Variants in EPHB2 observed in about 807,000 individuals in gnomAD.
EPHB2 encodes the protein EPH receptor B2, also known as ephrin type-B receptor 2.
In EPHB2, 18 loss-of-function variants were observed where a neutral mutation model predicts 96.4. The observed-to-expected ratio is 0.19, with a 90% CI of 0.13 to 0.28. EPHB2 has a LOEUF of 0.28. Among genes scored for constraint, EPHB2 ranks in the 10% least tolerant of loss-of-function variants. The pLI is 1.00. For synonymous variants in EPHB2, 506 were observed against 534.1 expected (o/e 0.95, Z 0.72); for missense variants, 989 against 1,355.4 (o/e 0.73, Z 4.25).
At position 22,917,826 on chromosome 1, in the gene EPHB2, G is replaced by A. The variant is rs1640306500; in HGVS notation, c.*4256G>A. The stretch of plus-strand genomic sequence containing the variant: ...TGGTGTCTGATGCTGGCCAATAAGA[G>A]AAAAGAAAGCTCAAGTGGGCTGGGG... On this transcript the variant is annotated 3_prime_UTR_variant, in exon 16 of 16. Transcript: ENST00000374630. The A allele has an allele frequency of 6.6e-6, 1 of 152,220 alleles. No homozygotes were observed. The highest frequency in any genetic ancestry group is 2.4e-5 in the African/African-American group (1 of 41,436). 9.4% of individuals were successfully genotyped at this position (152,220 alleles called of 1,614,324 possible). A position where few individuals can be genotyped will look rare whatever the true frequency, so the allele number is the denominator to read the frequency against.
At chr1:22,796,605 G>A (rs114694868) in intron 3 of EPHB2, among the ~76,000 whole-genome samples, 1,658 of 152,300 alleles carry the variant, frequency 0.011, 26 homozygotes, top group African/African-American at 0.035. Context: ...CAGCTTGCCA[G>A]CTTCACAGCT....
chr1:22,793,034 G>A (rs929682209), intron 3 of EPHB2, among the ~76,000 whole-genome samples: 2 of 152,166 alleles, frequency 1.3e-5, no homozygotes, highest in African/African-American at 4.8e-5. Context: ...AGGCCTGGAG[G>A]CAGCCAGAGT....
rs1640332575 is a variant in EPHB2, at chr1:22,918,951, T to G, written c.*5381T>G. The G allele has an allele frequency of 6.6e-6, 1 of 152,254 alleles. No individual in the cohort carries two copies. 9.4% of individuals were successfully genotyped at this position (152,254 alleles called of 1,614,324 possible). Reference sequence around the variant, plus strand: ...GAAGATTCCAACCAGGCCATCTGTCTGTAGTCCTTCCTTCCCACCTCCTGG... The same window carrying G: ...GAAGATTCCAACCAGGCCATCTGTCGGTAGTCCTTCCTTCCCACCTCCTGG... On this transcript the variant is annotated 3_prime_UTR_variant, in exon 16 of 16. Coordinates refer to ENST00000374630, the MANE Select transcript of EPHB2 (RefSeq NM_017449.5). The surrounding 1 kb of genome is among the most constrained non-coding windows in gnomAD (Gnocchi z 4.2).
chr1:22,821,592 A>G (rs1645153078), intron 3 of EPHB2, among the ~76,000 whole-genome samples: 1 of 152,242 alleles, frequency 6.6e-6, no homozygotes. Flanking sequence ...TTATTGGCAC[A>G]AGAAATGCCC....
chr1:22,904,964 T>G (rs309503), intron 9 of EPHB2, among the ~76,000 whole-genome samples: 89,561 of 151,474 alleles, frequency 0.59, 27,323 homozygotes, highest in African/African-American at 0.74. Context: ...TGCCTCCAAA[T>G]TTGCAGCTCC....
At chr1:22,807,504 G>A (rs1644943542) in intron 3 of EPHB2, among the ~76,000 whole-genome samples, 1 of 152,116 alleles carries the variant, frequency 6.6e-6, no homozygotes. Context: ...CATATGAGGA[G>A]CCCAGCCTCC....
chr1:22,884,066 C>T (rs67142165), intron 6 of EPHB2, among the ~76,000 whole-genome samples: 12,347 of 151,994 alleles, frequency 0.081, 683 homozygotes, highest in Middle Eastern at 0.15. Context: ...ATGTCACCTC[C>T]GCCACAAGTG....
intron 1 of EPHB2, among the ~76,000 whole-genome samples, chr1:22,727,808 A>C (rs541124168): frequency 0.022 from 3,299 of 150,064 alleles, 127 homozygotes; most frequent in African/African-American, 0.075. Flanking sequence ...AAAAAAAAAA[A>C]AACTTTTTTT....
chr1:22,726,013 T>C (rs1643573335), intron 1 of EPHB2, among the ~76,000 whole-genome samples: 1 of 152,210 alleles, frequency 6.6e-6, no homozygotes, highest in African/African-American at 2.4e-5. Context: ...CATCTGTCCG[T>C]ACATCCTTCC....
rs140590982 is a variant in EPHB2 at position 22,818,151 on chromosome 1, C to T, written c.811+33075C>T. 1.6e-3 allele frequency among the ~76,000 whole-genome samples: 240 copies of T among 152,226 alleles called. 1 individual carries two copies. Among genetic ancestry groups the T allele is most frequent in the African/African-American group, 5.4e-3 (223 of 41,536 alleles). On this transcript the variant is annotated intron_variant, in intron 3 of 15. Coordinates refer to ENST00000374630, the MANE Select transcript of EPHB2 (RefSeq NM_017449.5). ...GCTGACCCTTTCACCCTCTGCCAGACCACGTGGTCCACCTGCCTTCAGGTC... is the reference window on the plus strand; with the variant it reads ...GCTGACCCTTTCACCCTCTGCCAGATCACGTGGTCCACCTGCCTTCAGGTC...
chr1:22,896,337 C>T (rs2124005161), intron 8 of EPHB2, 77 bp from the exon 9 acceptor site: 1 of 1,598,936 alleles, frequency 6.3e-7, no homozygotes, highest in East Asian at 2.2e-5. Context: ...TGCCCACCCT[C>T]TCCCTATCAC....
At chr1:22,896,324 G>A (rs1370086799) in intron 8 of EPHB2, 90 bp from the exon 9 acceptor site, 1 of 1,568,326 alleles carries the variant, frequency 6.4e-7, no homozygotes, top group South Asian at 1.1e-5. Context: ...GGCTTCTAGG[G>A]CCTGCCCACC....
At chr1:22,759,044 G>C (rs936167319) in intron 1 of EPHB2, among the ~76,000 whole-genome samples, 2 of 152,062 alleles carry the variant, frequency 1.3e-5, no homozygotes, top group Non-Finnish European at 1.5e-5. Flanking sequence ...TGGATGGTTG[G>C]TTACCTAGTT....
At chr1:22,755,202 TA>T (rs1644130726) in intron 1 of EPHB2, among the ~76,000 whole-genome samples, 1 of 152,068 alleles carries the variant, frequency 6.6e-6, no homozygotes, top group East Asian at 1.9e-4. Flanking sequence ...CAGGTGCCAC[TA>T]AATCCTCTTG....
chr1:22,802,510 T>A (rs1644859311), intron 3 of EPHB2, among the ~76,000 whole-genome samples: 1 of 152,096 alleles, frequency 6.6e-6, no homozygotes, highest in Non-Finnish European at 1.5e-5. Flanking sequence ...GGCCAAAGAC[T>A]ATGCCCTTCC....
chr1:22,904,817 A>C (rs977778827), intron 9 of EPHB2, among the ~76,000 whole-genome samples: 2 of 152,246 alleles, frequency 1.3e-5, no homozygotes, highest in African/African-American at 4.8e-5. Flanking sequence ...GATTCCTGGA[A>C]TGTCTAAAAT....
chr1:22,852,111 G>A (rs1645632791), intron 3 of EPHB2, among the ~76,000 whole-genome samples: 1 of 152,202 alleles, frequency 6.6e-6, no homozygotes, highest in African/African-American at 2.4e-5. Context: ...CAGAGTCAAG[G>A]TGAAGATGCA....
At chr1:22,864,454 G>A (rs149073974) in intron 4 of EPHB2, among the ~76,000 whole-genome samples, 2 of 152,278 alleles carry the variant, frequency 1.3e-5, no homozygotes, top group East Asian at 3.9e-4. Context: ...ATAGCTGTCT[G>A]TCTCTTTTTA....
At chr1:22,772,373 G>C (rs116469583) in intron 1 of EPHB2, among the ~76,000 whole-genome samples, 2,262 of 152,290 alleles carry the variant, frequency 0.015, 63 homozygotes, top group African/African-American at 0.052. Context: ...AGGCAGAGAA[G>C]GGCCTCTGAG....
Sources: gnomAD v4.1 joint callset for allele counts (sites outside exome capture counted in the v4.1 genomes callset) on GRCh38, gnomAD v4.1.1 for gene constraint, Gnocchi (gnomAD v3.1) non-coding constraint, MANE v1.5 for transcripts, NCBI Gene and HGNC (gene_info 2026-07-23, HGNC 2026-07-21) for gene names.